The following ABTB2 variants were observed in gnomAD, a reference collection of about 807,000 sequenced individuals.
ABTB2 encodes ankyrin repeat and BTB/POZ domain-containing protein 2.
Under a neutral mutation model 104.1 loss-of-function variants are expected in ABTB2, and 56 were observed. The ratio of observed to expected loss-of-function variants is 0.54; its 90% CI spans 0.43 to 0.67. The LOEUF is 0.67. Ranked by LOEUF, ABTB2 falls within the 30% of genes least tolerant of loss-of-function variation. ABTB2 has a pLI of 0.00. For missense variants in ABTB2, 1,279 were observed against 1,407.7 expected (o/e 0.91, Z 1.46); for synonymous variants, 606 against 608.2 (o/e 1.00, Z 0.05).
At position 34,252,741 on chromosome 11, in the gene ABTB2, GTTTTTATAAC is replaced by G. The variant is rs1192546810; in HGVS notation, c.884-48061_884-48052del. 6.6e-6 allele frequency among the ~76,000 whole-genome samples: 1 copy of G among 151,984 alleles called. No individual in the cohort carries two copies. Among genetic ancestry groups the G allele is most frequent in the Non-Finnish European group, 1.5e-5 (1 of 67,968 alleles). On this transcript the variant is annotated intron_variant, in intron 1 of 16. Transcript: ENST00000435224. This position sits in a 1 kb window ranked among gnomAD's most constrained non-coding sequence, Gnocchi z 5.5. ...TATTTTCCACCTTCTACTCAAACAT[GTTTTTATAAC>G]GTGCAACCACCAGAGACCTCCCTAA...
intron 3 of ABTB2, among the ~76,000 whole-genome samples, chr11:34,184,094 A>T (rs1396207266): frequency 6.7e-6 from 1 of 148,906 alleles, no homozygotes. Flanking sequence ...AGACAGGTCT[A>T]TGTTGCGCAG....
intron 3 of ABTB2, among the ~76,000 whole-genome samples, chr11:34,192,206 T>C (rs9736704): frequency 0.049 from 7,416 of 151,960 alleles, 630 homozygotes; most frequent in African/African-American, 0.17. Context: ...GGTGGGAGGA[T>C]TGCATGAGCC....
chr11:34,353,052 A>T (rs1855418649), intron 1 of ABTB2, among the ~76,000 whole-genome samples: 1 of 152,190 alleles, frequency 6.6e-6, no homozygotes, highest in African/African-American at 2.4e-5. Flanking sequence ...ATACAGCAAG[A>T]CTCTGTCTCA....
At chr11:34,155,537 G>C (rs1852612480) in intron 14 of ABTB2, among the ~76,000 whole-genome samples, 1 of 152,254 alleles carries the variant, frequency 6.6e-6, no homozygotes, top group Non-Finnish European at 1.5e-5. Context: ...TTTCTGGCTG[G>C]CTGAAGAAAC....
At chr11:34,320,344 T>C (rs1459055838) in intron 1 of ABTB2, among the ~76,000 whole-genome samples, 1 of 152,178 alleles carries the variant, frequency 6.6e-6, no homozygotes, top group Non-Finnish European at 1.5e-5. Context: ...TTGAATGCTT[T>C]GTATTTCCTG....
intron 1 of ABTB2, chr11:34,335,697 T>G (rs758704428): frequency 2.2e-6 from 3 of 1,394,416 alleles, no homozygotes; most frequent in Non-Finnish European, 3.1e-6. Context: ...AAGTTTCTGC[T>G]AGAACATCAG....
At chr11:34,295,920 C>A (rs1241176790) in intron 1 of ABTB2, among the ~76,000 whole-genome samples, 1 of 151,998 alleles carries the variant, frequency 6.6e-6, no homozygotes, top group South Asian at 2.1e-4. Context: ...TCTCCAAACA[C>A]CATCACATTG....
intron 1 of ABTB2, among the ~76,000 whole-genome samples, chr11:34,207,191 ACTC>A (rs1273279595): frequency 1.3e-5 from 2 of 152,088 alleles, no homozygotes; most frequent in Admixed American, 6.6e-5. Flanking sequence ...TGCAGGCCTG[ACTC>A]CTCCTCCTTT....
At chr11:34,288,558 G>A (rs1437716011) in intron 1 of ABTB2, among the ~76,000 whole-genome samples, 10 of 141,328 alleles carry the variant, frequency 7.1e-5, no homozygotes, top group Non-Finnish European at 1.5e-4. Flanking sequence ...ACAGAGCCCA[G>A]AACAGACAGA....
At chr11:34,289,643 C>T (rs576684022) in intron 1 of ABTB2, among the ~76,000 whole-genome samples, 1 of 152,336 alleles carries the variant, frequency 6.6e-6, no homozygotes, top group South Asian at 2.1e-4. Flanking sequence ...CAGGCCATAA[C>T]TTGAAGCTAC....
At chr11:34,155,624 C>T (rs1045653250) in intron 14 of ABTB2, among the ~76,000 whole-genome samples, 2 of 152,250 alleles carry the variant, frequency 1.3e-5, no homozygotes, top group African/African-American at 4.8e-5. Flanking sequence ...CAAGACCGGC[C>T]CTGAGGCTGC....
chr11:34,237,557 A>G (rs1263004624), intron 1 of ABTB2, among the ~76,000 whole-genome samples: 2 of 152,168 alleles, frequency 1.3e-5, no homozygotes, highest in Non-Finnish European at 2.9e-5. Context: ...CATTTTCTGA[A>G]TCATTATTTG....
At chr11:34,213,313 C>G (rs552301403) in intron 1 of ABTB2, among the ~76,000 whole-genome samples, 1 of 152,162 alleles carries the variant, frequency 6.6e-6, no homozygotes, top group Non-Finnish European at 1.5e-5. Context: ...TCCCCCATCT[C>G]TACTAAAAAT....
intron 1 of ABTB2, among the ~76,000 whole-genome samples, chr11:34,268,578 G>A (rs983425151): frequency 7.9e-5 from 12 of 152,238 alleles, no homozygotes; most frequent in Non-Finnish European, 1.8e-4. Flanking sequence ...GAAGGGTATT[G>A]GAATGCTGCA....
Position 34,159,932 on chromosome 11 carries a change from T to C in ABTB2, c.2580A>G (p.Lys860=). The C allele has an allele frequency of 6.2e-7, 1 of 1,614,030 alleles. No homozygotes were observed. The highest frequency in any genetic ancestry group is 8.5e-7 in the Non-Finnish European group (1 of 1,179,930). The change falls in exon 13 of 17, where the codon AAA becomes AAG. Residue 860 remains lysine (K), a synonymous_variant. Transcript: ENST00000435224. ...LVEGKLFYAH[K]VLLVTASNRF... is the part of the protein sequence containing the mutation. ...TGTTAGAAGCTGTCACCAGCAGGAC[T>C]TTATGTGCATAAAACAGCTTTCCTT...
chr11:34,165,883 C>A (rs576191795), intron 7 of ABTB2, among the ~76,000 whole-genome samples: 2 of 152,362 alleles, frequency 1.3e-5, no homozygotes, highest in East Asian at 3.9e-4. Flanking sequence ...CGGAGAGGTA[C>A]AGCAGGTACC....
chr11:34,171,200 G>T, intron 4 of ABTB2, 129 bp from the exon 5 acceptor site: 2 of 956,454 alleles, frequency 2.1e-6, no homozygotes, highest in Non-Finnish European at 3.1e-6. Context: ...AGGGAGTTAT[G>T]ATCAGATCAG....
intron 1 of ABTB2, among the ~76,000 whole-genome samples, chr11:34,330,867 T>C (rs377071901): frequency 6.6e-6 from 1 of 152,210 alleles, no homozygotes; most frequent in Non-Finnish European, 1.5e-5. Flanking sequence ...TCAGATCCCT[T>C]TGGAACTTTT....
At chr11:34,166,671 G>A (rs570849016) in intron 7 of ABTB2, among the ~76,000 whole-genome samples, 4 of 152,246 alleles carry the variant, frequency 2.6e-5, no homozygotes, top group South Asian at 2.1e-4. Context: ...GTAAGTGCAC[G>A]TGGCTGGAGC....
Sources: allele counts gnomAD v4.1 joint callset (sites outside exome capture counted in the v4.1 genomes callset), GRCh38; gene constraint gnomAD v4.1.1; non-coding constraint Gnocchi (gnomAD v3.1); transcripts MANE v1.5; gene names NCBI Gene and HGNC (gene_info 2026-07-23, HGNC 2026-07-21).